Variants in MACROD1 observed in about 807,000 individuals in gnomAD.
MACROD1 encodes ADP-ribose glycohydrolase MACROD1.
MACROD1 carries 31 observed loss-of-function variants against 41.4 expected under a neutral mutation model. The ratio of observed to expected loss-of-function variants is 0.75; its 90% CI spans 0.56 to 1.01. MACROD1 has a LOEUF of 1.01. Among genes scored for constraint, MACROD1 ranks in the 50% least tolerant of loss-of-function variants. The probability of loss-of-function intolerance (pLI) is 0.00; values close to 1 mark genes in which losing one functional copy is unlikely to be tolerated. For synonymous variants in MACROD1, 252 were observed against 203.4 expected (o/e 1.24, Z -2.03); for missense variants, 473 against 460.0 (o/e 1.03, Z -0.26).
chr11:64,034,044 T>C (rs767189863), intron 3 of MACROD1, among the ~76,000 whole-genome samples: 6 of 152,128 alleles, frequency 3.9e-5, no homozygotes, highest in African/African-American at 1.2e-4. Context: ...CTGCGAGGCA[T>C]TGAGTGCCCG....
intron 3 of MACROD1, chr11:64,138,505 T>C (rs1945362587): frequency 1.0e-6 from 1 of 985,330 alleles, no homozygotes; most frequent in Non-Finnish European, 1.2e-6. Flanking sequence ...CTCTTGCTTT[T>C]CAAAAGGGAT....
intron 3 of MACROD1, among the ~76,000 whole-genome samples, chr11:64,139,017 T>G (rs1381454329): frequency 6.6e-6 from 1 of 152,204 alleles, no homozygotes; most frequent in Non-Finnish European, 1.5e-5. Context: ...TCCACCCACC[T>G]TGGCCTCCCA....
At chr11:64,011,507 C>A (rs980802295) in intron 4 of MACROD1, among the ~76,000 whole-genome samples, 1 of 151,900 alleles carries the variant, frequency 6.6e-6, no homozygotes, top group African/African-American at 2.4e-5. Flanking sequence ...CCACTCACTG[C>A]ACCACAGATG....
At chr11:64,055,325 A>G (rs1391153680) in intron 3 of MACROD1, among the ~76,000 whole-genome samples, 2 of 151,884 alleles carry the variant, frequency 1.3e-5, no homozygotes, top group Admixed American at 1.3e-4. Flanking sequence ...ACTCAGAGAC[A>G]CCTCTTTAAA....
At chr11:64,115,167 G>A (rs1944954548) in intron 3 of MACROD1, among the ~76,000 whole-genome samples, 1 of 152,184 alleles carries the variant, frequency 6.6e-6, no homozygotes, top group Non-Finnish European at 1.5e-5. Context: ...CTGGCTGCAT[G>A]AAGACACCTT....
At chr11:64,063,711 G>A (rs78649696) in intron 3 of MACROD1, among the ~76,000 whole-genome samples, 1,707 of 152,290 alleles carry the variant, frequency 0.011, 30 homozygotes, top group African/African-American at 0.037. Flanking sequence ...CTCAGCGGGT[G>A]CTGAAACCTA....
At position 64,054,147 on chromosome 11, in the gene MACROD1, G is replaced by A. The variant is rs575293669; in HGVS notation, c.518-38866C>T. ...ACCAGGCAGGAGCCTGGAGCCCCAC[G>A]GCTAGCCAGGGTCAGGGCAGGGAAG... On this transcript the variant is annotated intron_variant, in intron 3 of 10. Coordinates refer to ENST00000255681, the MANE Select transcript of MACROD1 (RefSeq NM_014067.4). Among the ~76,000 whole-genome samples, 706 of 152,266 alleles carry A rather than the reference G, an allele frequency of 4.6e-3. 5 individuals are homozygous for A. Among genetic ancestry groups the A allele is most frequent in the Non-Finnish European group, 7.0e-3 (475 of 68,018 alleles).
Position 64,121,133 on chromosome 11 carries a change from C to T in MACROD1, c.517+30106G>A, listed in dbSNP as rs928108914. Reference sequence around the variant, plus strand: ...CTGGGAGCCAGCCTGTGCCCAGCCACGCCCTCCGAGACAAGGCCTGAGTGA... The same window carrying T: ...CTGGGAGCCAGCCTGTGCCCAGCCATGCCCTCCGAGACAAGGCCTGAGTGA... On this transcript the variant is annotated intron_variant, in intron 3 of 10. Coordinates refer to ENST00000255681, the MANE Select transcript of MACROD1 (RefSeq NM_014067.4). 2.0e-5 allele frequency among the ~76,000 whole-genome samples: 3 copies of T among 152,152 alleles called. No individual in the cohort carries two copies. The East Asian group carries it at 5.8e-4, about 29-fold the overall frequency.
rs1218585922 is a variant in MACROD1, at chr11:64,152,286, G to C, written c.400+6C>G. On this transcript the variant is annotated splice_donor_region_variant and intron_variant, in intron 2 of 10. Coordinates refer to ENST00000255681, the MANE Select transcript of MACROD1 (RefSeq NM_014067.4). ...CCCACCAGGGCCTCCCCCGAGCAGG[G>C]CCTACCTTTCGCCATCTCCTTCCAT... 28 of 1,613,952 alleles carry C rather than the reference G, an allele frequency of 1.7e-5. No homozygotes were observed. The highest frequency in any genetic ancestry group is 2.4e-5 in the Non-Finnish European group (28 of 1,179,794).
At chr11:64,117,471 G>T in intron 3 of MACROD1, 1 of 1,612,824 alleles carries the variant, frequency 6.2e-7, no homozygotes. Flanking sequence ...CCACGCCTCT[G>T]CCACCACGCC....
Position 64,165,882 on chromosome 11 carries a change from C to A in MACROD1, c.113G>T (p.Arg38Leu). 1 of 1,405,418 alleles carries A rather than the reference C, an allele frequency of 7.1e-7. No individual in the cohort carries two copies. The highest frequency in any genetic ancestry group is 9.2e-7 in the Non-Finnish European group (1 of 1,083,062). 87.1% of individuals were successfully genotyped at this position (1,405,418 alleles called of 1,614,324 possible). ...CGCCGGGGGACCGCACGTGCTGCTG[C>A]GGGTCCTCGTGGCACCCGCCAAGTG... ...PGHLAGATRT[R>L]SSTCGPPAFL... Residue 38 changes from arginine (R) to leucine (L), a missense_variant, in exon 1 of 11, where the codon CGC (arginine) becomes CTC (leucine). Transcript: ENST00000255681.
At chr11:64,028,110 C>T (rs1004728289) in intron 3 of MACROD1, among the ~76,000 whole-genome samples, 2 of 146,876 alleles carry the variant, frequency 1.4e-5, no homozygotes, top group African/African-American at 5.0e-5. Flanking sequence ...GCTGGGCAGG[C>T]GGAAGAAGCA....
At position 64,067,653 on chromosome 11, in the gene MACROD1, A is replaced by G. The variant is rs1402142553; in HGVS notation, c.518-52372T>C. 3.9e-5 allele frequency among the ~76,000 whole-genome samples: 6 copies of G among 152,150 alleles called. No individual in the cohort carries two copies. The highest frequency in any genetic ancestry group is 2.6e-4 in the Admixed American group (4 of 15,288). The stretch of plus-strand genomic sequence containing the variant: ...CTCCGGTGCACACACAGGGTCCCCA[A>G]GCAGGCAGCTGGAGGGCTGGGGTGC... On this transcript the variant is annotated intron_variant, in intron 3 of 10. Transcript: ENST00000255681. This position sits in a 1 kb window ranked among gnomAD's most constrained non-coding sequence, Gnocchi z 4.6.
chr11:64,073,964 G>C (rs760702092), intron 3 of MACROD1, among the ~76,000 whole-genome samples: 22 of 152,132 alleles, frequency 1.4e-4, no homozygotes, highest in Non-Finnish European at 3.2e-4. Context: ...GAGCCCCCAG[G>C]GTGCTTTGGA....
At chr11:64,126,652 C>T (rs1255727466) in intron 3 of MACROD1, among the ~76,000 whole-genome samples, 2 of 151,990 alleles carry the variant, frequency 1.3e-5, no homozygotes, top group African/African-American at 2.4e-5. Flanking sequence ...AGGAGGAGAC[C>T]AGGGAGGGGT....
intron 3 of MACROD1, among the ~76,000 whole-genome samples, chr11:64,137,541 A>G (rs1413543493): frequency 6.6e-6 from 1 of 152,204 alleles, no homozygotes; most frequent in Non-Finnish European, 1.5e-5. Context: ...TCAGAGCTGC[A>G]TCTCATATTC....
chr11:64,046,566 T>C (rs1422831638), intron 3 of MACROD1, among the ~76,000 whole-genome samples: 1 of 152,170 alleles, frequency 6.6e-6, no homozygotes, highest in African/African-American at 2.4e-5. Context: ...TTTTTTTCTT[T>C]TTGAGACGGA....
intron 4 of MACROD1, chr11:64,008,954 G>A (rs1485315367): frequency 3.3e-5 from 5 of 152,234 alleles, no homozygotes; most frequent in Admixed American, 1.3e-4. Flanking sequence ...AGGCGGCCCT[G>A]AATTAATCTG....
rs1008718253 is a variant in MACROD1, at chr11:64,090,123, C to A, written c.517+61116G>T. Among the ~76,000 whole-genome samples the A allele has an allele frequency of 6.6e-6, 1 of 152,078 alleles. No individual in the cohort carries two copies. The highest frequency in any genetic ancestry group is 1.5e-5 in the Non-Finnish European group (1 of 68,010). On this transcript the variant is annotated intron_variant, in intron 3 of 10. Transcript: ENST00000255681. This position sits in a 1 kb window ranked among gnomAD's most constrained non-coding sequence, Gnocchi z 4.7. ...GGCTGGGGGAGGGGAAGATATGCAC[C>A]CTCTCCCCACGGGGCTAGGGACTCA... is the stretch of plus-strand genomic sequence containing the variant.
Sources: gnomAD v4.1 joint callset for allele counts (sites outside exome capture counted in the v4.1 genomes callset) on GRCh38, gnomAD v4.1.1 for gene constraint, Gnocchi (gnomAD v3.1) non-coding constraint, MANE v1.5 for transcripts, NCBI Gene and HGNC (gene_info 2026-07-23, HGNC 2026-07-21) for gene names.